The following CAMK4 variants were observed in gnomAD, a reference collection of about 807,000 sequenced individuals.
CAMK4 encodes calcium/calmodulin dependent protein kinase IV.
CAMK4 carries 22 observed loss-of-function variants against 44.9 expected under a neutral mutation model. The observed-to-expected ratio is 0.49, with a 90% CI of 0.35 to 0.70. The LOEUF is 0.70. Among genes scored for constraint, CAMK4 ranks in the 30% least tolerant of loss-of-function variants. CAMK4 has a pLI of 0.01. For missense variants in CAMK4, 498 were observed against 586.8 expected, an observed-to-expected ratio of 0.85 and a Z score of 1.56; for synonymous variants, 218 against 215.4, an observed-to-expected ratio of 1.01 and a Z score of -0.11.
At chr5:111,349,532 T>G (rs149246512) in intron 2 of CAMK4, among the ~76,000 whole-genome samples, 1 of 151,916 alleles carries the variant, frequency 6.6e-6, no homozygotes, top group African/African-American at 2.4e-5. Flanking sequence ...AGGAAAAAAA[T>G]AAATTCGAGA....
At chr5:111,463,684 C>T (rs930512915) in intron 7 of CAMK4, among the ~76,000 whole-genome samples, 1 of 152,168 alleles carries the variant, frequency 6.6e-6, no homozygotes, top group Non-Finnish European at 1.5e-5. Flanking sequence ...GTAGACACCC[C>T]CCACTACCAG....
intron 1 of CAMK4, among the ~76,000 whole-genome samples, chr5:111,308,396 G>A (rs1322944895): frequency 6.6e-6 from 1 of 152,160 alleles, no homozygotes; most frequent in Non-Finnish European, 1.5e-5. Flanking sequence ...ATAGGTGGTG[G>A]TAATAAGGAT....
intron 2 of CAMK4, among the ~76,000 whole-genome samples, chr5:111,355,262 C>G (rs1264544699): frequency 1.3e-5 from 2 of 151,902 alleles, no homozygotes; most frequent in East Asian, 3.9e-4. Context: ...AACCAGGTCT[C>G]CTGGAATAGG....
rs553714944 is a variant in CAMK4 at position 111,385,105 on chromosome 5, A to G, written c.386+8163A>G. ...CATATTAGGGATTATAATGACTACA[A>G]TATCACAAATTTTTTTAATGAGGGC... On this transcript the variant is annotated intron_variant, in intron 4 of 10. Coordinates refer to ENST00000282356, the MANE Select transcript of CAMK4 (RefSeq NM_001744.6). 7.9e-5 allele frequency among the ~76,000 whole-genome samples: 12 copies of G among 152,326 alleles called. 1 individual carries two copies. In the East Asian group the frequency reaches 2.1e-3, roughly 27 times the overall value.
At chr5:111,433,762 T>C (rs1009871316) in intron 5 of CAMK4, among the ~76,000 whole-genome samples, 4 of 152,188 alleles carry the variant, frequency 2.6e-5, no homozygotes, top group African/African-American at 9.7e-5. Flanking sequence ...GGCTTAGGAA[T>C]AGTAAGTAAG....
Position 111,388,474 on chromosome 5 carries a change from C to T in CAMK4, c.387-6236C>T, listed in dbSNP as rs139239605. On this transcript the variant is annotated intron_variant, in intron 4 of 10. Transcript: ENST00000282356. Reference sequence around the variant, plus strand: ...CCACTTTCTTCTTCCATACCTATCCCGACCCCCAACTGCCACCCTCCTTGC... The same window carrying T: ...CCACTTTCTTCTTCCATACCTATCCTGACCCCCAACTGCCACCCTCCTTGC... 1.6e-3 allele frequency among the ~76,000 whole-genome samples: 247 copies of T among 152,194 alleles called. No homozygotes were observed. The Middle Eastern group carries it at 0.024, about 15-fold the overall frequency.
intron 1 of CAMK4, among the ~76,000 whole-genome samples, chr5:111,297,046 T>A (rs1311504811): frequency 2.6e-5 from 4 of 152,214 alleles, no homozygotes; most frequent in Non-Finnish European, 4.4e-5. Flanking sequence ...ATTCAGTTGC[T>A]TTGAATGGTG....
chr5:111,249,999 GC>G (rs931091876), intron 1 of CAMK4, among the ~76,000 whole-genome samples: 11 of 152,116 alleles, frequency 7.2e-5, no homozygotes, highest in African/African-American at 2.7e-4. Flanking sequence ...GGAAACAGAG[GC>G]CTGGGGAGAA....
chr5:111,438,511 A>G (rs1753722549), intron 5 of CAMK4, among the ~76,000 whole-genome samples: 1 of 152,202 alleles, frequency 6.6e-6, no homozygotes, highest in Non-Finnish European at 1.5e-5. Flanking sequence ...ATTGTAAAAA[A>G]TTATCCAAGT....
chr5:111,437,660 G>A (rs1199768645), intron 5 of CAMK4, among the ~76,000 whole-genome samples: 5 of 152,202 alleles, frequency 3.3e-5, no homozygotes, highest in African/African-American at 1.2e-4. Context: ...TGAGGATGAG[G>A]AGAGCTGGCC....
At chr5:111,313,408 C>G (rs1460223463) in intron 1 of CAMK4, among the ~76,000 whole-genome samples, 8 of 151,996 alleles carry the variant, frequency 5.3e-5, no homozygotes, top group Non-Finnish European at 4.4e-5. Context: ...TTAATATGTC[C>G]TTATACTTAA....
rs773146432 is a variant in CAMK4, at chr5:111,478,423, G to A, written c.744G>A (p.Gln248=). Residue 248 remains glutamine, a synonymous_variant, in exon 9 of 11, where the codon CAG becomes CAA. Coordinates refer to ENST00000282356, the MANE Select transcript of CAMK4 (RefSeq NM_001744.6). ...FEPFYDERGD[Q]FMFRRILNCE... ...CATTCTATGATGAAAGAGGCGATCA[G>A]TTCATGTTCAGGAGAATTCTGAATT... The A allele has an allele frequency of 6.3e-7, 1 of 1,577,954 alleles. No homozygotes were observed. Among genetic ancestry groups the A allele is most frequent in the South Asian group, 1.1e-5 (1 of 89,498 alleles).
At chr5:111,256,006 C>T (rs1191680036) in intron 1 of CAMK4, among the ~76,000 whole-genome samples, 7 of 152,114 alleles carry the variant, frequency 4.6e-5, no homozygotes, top group Non-Finnish European at 8.8e-5. Flanking sequence ...ATATATATAG[C>T]TGTATGTATT....
At chr5:111,234,167 C>A (rs567651900) in intron 1 of CAMK4, among the ~76,000 whole-genome samples, 7 of 152,044 alleles carry the variant, frequency 4.6e-5, no homozygotes, top group Non-Finnish European at 8.8e-5. Context: ...GAATAAACTT[C>A]TTTATATTTA....
intron 2 of CAMK4, among the ~76,000 whole-genome samples, chr5:111,354,575 C>T (rs188256819): frequency 6.7e-6 from 1 of 150,082 alleles, no homozygotes. Flanking sequence ...TCAGTTTTAC[C>T]ACTATAAAGC....
chr5:111,397,649 C>CTCTG (rs1752067851), intron 5 of CAMK4, among the ~76,000 whole-genome samples: 1 of 88,506 alleles, frequency 1.1e-5, no homozygotes, highest in Non-Finnish European at 2.4e-5. Flanking sequence ...AGTCAGCATG[C>CTCTG]TGTGTGTGTG....
At position 111,371,738 on chromosome 5, in the gene CAMK4, G is replaced by A. The variant is rs182003066; in HGVS notation, c.241-3112G>A. Among the ~76,000 whole-genome samples, 10 of 152,228 alleles carry A rather than the reference G, an allele frequency of 6.6e-5. 1 individual carries two copies. The highest frequency in any genetic ancestry group is 5.2e-4 in the Admixed American group (8 of 15,290). On this transcript the variant is annotated intron_variant, in intron 2 of 10. Coordinates refer to ENST00000282356, the MANE Select transcript of CAMK4 (RefSeq NM_001744.6). ...TTAGAAGTTTTGACAATATGATGGA[G>A]GTTATGATTCTCTTCTGCCTCACAA...
intron 4 of CAMK4, among the ~76,000 whole-genome samples, chr5:111,382,908 A>G (rs1392302574): frequency 1.3e-5 from 2 of 152,182 alleles, no homozygotes; most frequent in Non-Finnish European, 2.9e-5. Context: ...TAATTTGTAT[A>G]TAGTTGCTTT....
At chr5:111,467,813 A>G (rs1342514476) in intron 7 of CAMK4, among the ~76,000 whole-genome samples, 1 of 152,148 alleles carries the variant, frequency 6.6e-6, no homozygotes, top group Non-Finnish European at 1.5e-5. Flanking sequence ...AAATAACTAA[A>G]AGTAGAACTA....
Sources: gnomAD v4.1 joint callset for allele counts (sites outside exome capture counted in the v4.1 genomes callset) on GRCh38, gnomAD v4.1.1 for gene constraint, MANE v1.5 for transcripts, NCBI Gene and HGNC (gene_info 2026-07-23, HGNC 2026-07-21) for gene names.